Variants in ARSB observed in about 807,000 individuals in gnomAD.
ARSB encodes arylsulfatase B.
A neutral mutation model predicts 50.9 loss-of-function variants in ARSB; 41 were observed. That is an observed-to-expected ratio of 0.81 (90% CI 0.63 to 1.04). The LOEUF (loss-of-function observed/expected upper bound fraction) is 1.04. Ranked by LOEUF, ARSB falls within the 50% of genes least tolerant of loss-of-function variation. The pLI, the probability that ARSB is intolerant of heterozygous loss-of-function variation, is 0.00. For synonymous variants in ARSB, 269 were observed against 284.8 expected (o/e 0.94, Z 0.56); for missense variants, 672 against 693.3 (o/e 0.97, Z 0.35).
chr5:78,980,644 A>G (rs1384881467), intron 1 of ARSB, among the ~76,000 whole-genome samples: 1 of 152,328 alleles, frequency 6.6e-6, no homozygotes, highest in Non-Finnish European at 1.5e-5. Context: ...ATTCATACAG[A>G]AAAAAGAGAG....
At chr5:78,868,217 A>G (rs1416759241) in intron 5 of ARSB, among the ~76,000 whole-genome samples, 1 of 139,706 alleles carries the variant, frequency 7.2e-6, no homozygotes, top group African/African-American at 2.8e-5. Context: ...CGGAGAATGG[A>G]ACCAAGTTGG....
intron 4 of ARSB, among the ~76,000 whole-genome samples, chr5:78,897,593 T>G (rs1748622469): frequency 1.3e-5 from 2 of 152,112 alleles, no homozygotes; most frequent in Admixed American, 1.3e-4. Context: ...CAAAGTCAAT[T>G]AATTGATTTA....
intron 6 of ARSB, among the ~76,000 whole-genome samples, chr5:78,832,568 A>C (rs1744740113): frequency 6.6e-6 from 1 of 152,204 alleles, no homozygotes; most frequent in Admixed American, 6.5e-5. Flanking sequence ...AGGAGGAAAC[A>C]GGGAGCAGCT....
At chr5:78,849,989 C>A (rs1006437902) in intron 5 of ARSB, among the ~76,000 whole-genome samples, 1 of 151,640 alleles carries the variant, frequency 6.6e-6, no homozygotes, top group African/African-American at 2.4e-5. Context: ...TCTAGATATA[C>A]AATCATGTCA....
intron 2 of ARSB, among the ~76,000 whole-genome samples, chr5:78,968,319 TTA>T (rs1561532542): frequency 1.5e-3 from 13 of 8,860 alleles, no homozygotes; most frequent in African/African-American, 4.9e-3. Context: ...TTTTATTTTA[TTA>T]TTATTATTAT....
chr5:78,839,282 G>C (rs1473707465), intron 6 of ARSB, 74 bp downstream of exon 6: 2 of 1,398,632 alleles, frequency 1.4e-6, no homozygotes, highest in African/African-American at 2.9e-5. Context: ...AGCTAGGCTA[G>C]AGACACACTA....
chr5:78,949,783 G>A (rs1440412838), intron 4 of ARSB, among the ~76,000 whole-genome samples: 2 of 151,988 alleles, frequency 1.3e-5, no homozygotes, highest in African/African-American at 2.4e-5. Flanking sequence ...GGTGGTACAC[G>A]CCTGTAATCC....
chr5:78,910,137 T>G (rs903724077), intron 4 of ARSB, among the ~76,000 whole-genome samples: 8 of 152,378 alleles, frequency 5.3e-5, no homozygotes, highest in Middle Eastern at 3.4e-3. Context: ...ACTATCACCC[T>G]GTTCTCCTGC....
chr5:78,850,167 T>C lies in ARSB; in HGVS notation c.1143-10741A>G, dbSNP rs1386391741. Among the ~76,000 whole-genome samples, 51 of 149,378 alleles carry C rather than the reference T, an allele frequency of 3.4e-4. 1 individual carries two copies. In the South Asian group the frequency reaches 6.6e-3, roughly 19 times the overall value. The stretch of plus-strand genomic sequence containing the variant: ...TTTTCAAAGGGAATGCTTCCAGTTT[T>C]TGCCCATTCAGTATATTGGCTGTGG... On this transcript the variant is annotated intron_variant, in intron 5 of 7. Transcript: ENST00000264914.
At chr5:78,975,195 G>A (rs1343760897) in intron 1 of ARSB, among the ~76,000 whole-genome samples, 1 of 152,258 alleles carries the variant, frequency 6.6e-6, no homozygotes, top group African/African-American at 2.4e-5. Context: ...GAGGCCAGCA[G>A]GCGAGGAGCA....
intron 6 of ARSB, among the ~76,000 whole-genome samples, chr5:78,789,802 G>A (rs772832660): frequency 5.9e-5 from 9 of 152,170 alleles, no homozygotes; most frequent in African/African-American, 1.4e-4. Flanking sequence ...TTTAATCCTC[G>A]TGAAAGTCCC....
At chr5:78,789,426 T>G (rs1749178649) in intron 6 of ARSB, among the ~76,000 whole-genome samples, 2 of 152,204 alleles carry the variant, frequency 1.3e-5, no homozygotes, top group Admixed American at 6.5e-5. Context: ...AAGAAATTAG[T>G]AGAGAATCTA....
rs2112484612 is a variant in ARSB at position 78,955,508 on chromosome 5, A to G, written c.691-6T>C. ...GCAAGGTAGAGAAACAGAGGCTGGA[A>G]AGAAAGTTTGTGCAAACCAGTTAAG... On this transcript the variant is annotated splice_polypyrimidine_tract_variant and splice_region_variant and intron_variant, in intron 3 of 7. Transcript: ENST00000264914. The G allele has an allele frequency of 1.2e-6, 2 of 1,613,722 alleles. No individual in the cohort carries two copies. The highest frequency in any genetic ancestry group is 1.7e-6 in the Non-Finnish European group (2 of 1,179,724).
At chr5:78,972,443 TG>T (rs1002247326) in intron 1 of ARSB, among the ~76,000 whole-genome samples, 3 of 151,756 alleles carry the variant, frequency 2.0e-5, no homozygotes, top group Non-Finnish European at 2.9e-5. Flanking sequence ...GCTGGGACCC[TG>T]AATGATAAGG....
At chr5:78,816,093 A>T (rs772652871) in intron 6 of ARSB, 10 of 1,614,070 alleles carry the variant, frequency 6.2e-6, no homozygotes, top group Non-Finnish European at 8.5e-6. Context: ...TAGCTACAAC[A>T]GCAGCGAGCA....
chr5:78,785,253 A>T (rs1749046813), intron 6 of ARSB, among the ~76,000 whole-genome samples: 1 of 152,096 alleles, frequency 6.6e-6, no homozygotes, highest in African/African-American at 2.4e-5. Context: ...TAACCTTTTG[A>T]ATAACAGATA....
chr5:78,902,651 A>G (rs1305497526), intron 4 of ARSB, among the ~76,000 whole-genome samples: 1 of 152,252 alleles, frequency 6.6e-6, no homozygotes, highest in Admixed American at 6.5e-5. Flanking sequence ...ATGCCAAATA[A>G]AAGAAGCCAG....
intron 5 of ARSB, among the ~76,000 whole-genome samples, chr5:78,874,789 A>T (rs3114492): frequency 0.38 from 57,543 of 151,974 alleles, 11,265 homozygotes; most frequent in East Asian, 0.72. Context: ...AACAAGAAAG[A>T]CCATCTACTA....
chr5:78,785,342 G>A (rs1383798911), intron 6 of ARSB, among the ~76,000 whole-genome samples: 1 of 152,114 alleles, frequency 6.6e-6, no homozygotes, highest in Non-Finnish European at 1.5e-5. Context: ...AAGTTGTTGG[G>A]CTCAATGCTC....
Sources: gnomAD v4.1 joint callset for allele counts (sites outside exome capture counted in the v4.1 genomes callset) on GRCh38, gnomAD v4.1.1 for gene constraint, MANE v1.5 for transcripts, NCBI Gene and HGNC (gene_info 2026-07-23, HGNC 2026-07-21) for gene names.